SGCZ: variants seen among roughly 807,000 people sequenced by gnomAD.
SGCZ encodes the protein sarcoglycan zeta.
SGCZ carries 40 observed loss-of-function variants against 41.3 expected under a neutral mutation model. The observed-to-expected ratio is 0.97, with a 90% CI of 0.75 to 1.26. The LOEUF (loss-of-function observed/expected upper bound fraction) is 1.26, where lower values mean the gene tolerates loss of function less well. Ranked by LOEUF, SGCZ falls within the 50% of genes most tolerant of loss-of-function variation. The probability of loss-of-function intolerance (pLI) is 0.00; values close to 1 mark genes in which losing one functional copy is unlikely to be tolerated. For missense variants in SGCZ, 552 were observed against 369.8 expected, an observed-to-expected ratio of 1.49 and a Z score of -4.04; for synonymous variants, 206 against 137.5, an observed-to-expected ratio of 1.50 and a Z score of -3.49.
intron 1 of SGCZ, among the ~76,000 whole-genome samples, chr8:14,767,828 G>T (rs932573992): frequency 1.3e-5 from 2 of 152,104 alleles, no homozygotes; most frequent in African/African-American, 4.8e-5. Flanking sequence ...TAAGGGCAGA[G>T]ACTCAATTTA....
intron 5 of SGCZ, among the ~76,000 whole-genome samples, chr8:14,163,208 T>G (rs149389031): frequency 3.3e-5 from 5 of 152,298 alleles, no homozygotes; most frequent in African/African-American, 1.2e-4. Context: ...ATGTGAAGGT[T>G]TGTTACAGAG....
intron 3 of SGCZ, among the ~76,000 whole-genome samples, chr8:14,305,589 G>C (rs1482906954): frequency 2.0e-5 from 3 of 152,178 alleles, no homozygotes; most frequent in Admixed American, 2.0e-4. Context: ...TACAATCATA[G>C]TTCAGTCTGT....
At chr8:14,870,143 G>A (rs146924057) in intron 1 of SGCZ, among the ~76,000 whole-genome samples, 1 of 152,100 alleles carries the variant, frequency 6.6e-6, no homozygotes, top group African/African-American at 2.4e-5. Flanking sequence ...GAAAAAAGCT[G>A]GAGGCATCAC....
chr8:14,722,744 T>C (rs1157657319), intron 1 of SGCZ, among the ~76,000 whole-genome samples: 1 of 152,024 alleles, frequency 6.6e-6, no homozygotes, highest in African/African-American at 2.4e-5. Context: ...AGGAAACATA[T>C]GAGGGAAAAC....
At chr8:14,981,761 G>A (rs754379014) in intron 1 of SGCZ, among the ~76,000 whole-genome samples, 9 of 152,086 alleles carry the variant, frequency 5.9e-5, no homozygotes, top group South Asian at 4.1e-4. Context: ...CCCAAAGAAC[G>A]AGACCCACCA....
intron 1 of SGCZ, among the ~76,000 whole-genome samples, chr8:14,964,255 T>C (rs139418081): frequency 6.6e-6 from 1 of 152,290 alleles, no homozygotes; most frequent in East Asian, 1.9e-4. Context: ...ATTAGCTCAC[T>C]AAAATGACAC....
chr8:14,562,970 G>C lies in SGCZ; in HGVS notation c.40-8044C>G, dbSNP rs74737610. On this transcript the variant is annotated intron_variant, in intron 1 of 7. Transcript: ENST00000382080. Reference sequence around the variant, plus strand: ...AACTGGGCTACCCAAAGGAGGAGTAGTATAGACAGGTAATAATTATTATAA... The same window carrying C: ...AACTGGGCTACCCAAAGGAGGAGTACTATAGACAGGTAATAATTATTATAA... Among the ~76,000 whole-genome samples the C allele has an allele frequency of 3.4e-4, 52 of 152,310 alleles. No homozygotes were observed. The East Asian group carries it at 9.4e-3, about 28-fold the overall frequency.
chr8:15,175,058 TAC>T (rs148608564), intron 1 of SGCZ, among the ~76,000 whole-genome samples: 56,089 of 151,808 alleles, frequency 0.37, 11,587 homozygotes, highest in Non-Finnish European at 0.45. Flanking sequence ...ACCACATGTA[TAC>T]CAATGTAACA....
intron 2 of SGCZ, among the ~76,000 whole-genome samples, chr8:14,513,806 T>G (rs1264298706): frequency 6.6e-6 from 1 of 152,100 alleles, no homozygotes; most frequent in Non-Finnish European, 1.5e-5. Flanking sequence ...TCGAAATGTA[T>G]TTGAATCTTC....
intron 4 of SGCZ, among the ~76,000 whole-genome samples, chr8:14,198,691 T>A (rs953830435): frequency 2.6e-5 from 4 of 152,164 alleles, no homozygotes; most frequent in Non-Finnish European, 5.9e-5. Flanking sequence ...TTGCGTGAAG[T>A]CAGGGACCAC....
At chr8:14,605,601 C>A (rs972004424) in intron 1 of SGCZ, among the ~76,000 whole-genome samples, 7 of 152,142 alleles carry the variant, frequency 4.6e-5, no homozygotes, top group African/African-American at 1.7e-4. Context: ...ATTCTAGTCT[C>A]TATCTCCCTA....
At chr8:15,236,574 C>T (rs1057454912) in intron 1 of SGCZ, among the ~76,000 whole-genome samples, 6 of 152,144 alleles carry the variant, frequency 3.9e-5, no homozygotes, top group African/African-American at 1.4e-4. Flanking sequence ...TCCAGTGTCG[C>T]CCCCTTTCCC....
chr8:14,359,535 T>C (rs530372035), intron 2 of SGCZ, among the ~76,000 whole-genome samples: 1 of 151,972 alleles, frequency 6.6e-6, no homozygotes, highest in African/African-American at 2.4e-5. Context: ...GGTTCTTCAC[T>C]GATCACAATG....
intron 1 of SGCZ, among the ~76,000 whole-genome samples, chr8:14,739,002 T>C (rs749558436): frequency 6.6e-5 from 10 of 152,070 alleles, no homozygotes; most frequent in East Asian, 1.9e-4. Flanking sequence ...AGAATATACA[T>C]GCATTATCAG....
intron 2 of SGCZ, among the ~76,000 whole-genome samples, chr8:14,353,679 A>T (rs1357030830): frequency 2.0e-5 from 3 of 152,056 alleles, no homozygotes; most frequent in African/African-American, 7.2e-5. Context: ...AATTACCTGA[A>T]ATATTGTGAT....
intron 2 of SGCZ, among the ~76,000 whole-genome samples, chr8:14,449,260 C>G (rs925239172): frequency 3.9e-5 from 6 of 152,158 alleles, no homozygotes; most frequent in Non-Finnish European, 8.8e-5. Context: ...TATTTCTAAA[C>G]AAAACATTGG....
chr8:14,280,073 A>C (rs1411299309), intron 3 of SGCZ, among the ~76,000 whole-genome samples: 1 of 152,016 alleles, frequency 6.6e-6, no homozygotes, highest in Non-Finnish European at 1.5e-5. Context: ...GATTTTGTTC[A>C]AATGGGATTA....
At chr8:14,452,858 C>A (rs191326530) in intron 2 of SGCZ, among the ~76,000 whole-genome samples, 11 of 152,158 alleles carry the variant, frequency 7.2e-5, no homozygotes, top group South Asian at 4.1e-4. Flanking sequence ...ATCCCAGCAC[C>A]TTGGGAGGCT....
At chr8:14,252,503 C>T (rs1308268633) in intron 3 of SGCZ, among the ~76,000 whole-genome samples, 1 of 151,990 alleles carries the variant, frequency 6.6e-6, no homozygotes, top group Middle Eastern at 3.2e-3. Flanking sequence ...AAATTTCACT[C>T]GAGGTAGCCC....
Sources: allele counts gnomAD v4.1 joint callset (sites outside exome capture counted in the v4.1 genomes callset), GRCh38; gene constraint gnomAD v4.1.1; transcripts MANE v1.5; gene names NCBI Gene and HGNC (gene_info 2026-07-23, HGNC 2026-07-21).